SMURF1: variants seen among roughly 807,000 people sequenced by gnomAD.
The protein encoded by SMURF1 is E3 ubiquitin-protein ligase SMURF1.
A neutral mutation model predicts 98.0 loss-of-function variants in SMURF1; 44 were observed. The ratio of observed to expected loss-of-function variants is 0.45; its 90% CI spans 0.35 to 0.58. The LOEUF is 0.58. Among genes scored for constraint, SMURF1 ranks in the 20% least tolerant of loss-of-function variants. SMURF1 has a pLI of 0.00. For synonymous variants in SMURF1, 396 were observed against 374.9 expected, an observed-to-expected ratio of 1.06 and a Z score of -0.65; for missense variants, 687 against 938.4, an observed-to-expected ratio of 0.73 and a Z score of 3.50.
intron 8 of SMURF1, 77 bp downstream of exon 8, chr7:99,051,280 A>G: frequency 8.8e-7 from 1 of 1,141,282 alleles, no homozygotes; most frequent in South Asian, 1.2e-5. Context: ...AACAAGAGCA[A>G]CACATCTGGA....
At chr7:99,142,159 C>A (rs187838501) in intron 1 of SMURF1, among the ~76,000 whole-genome samples, 160 of 152,292 alleles carry the variant, frequency 1.1e-3, no homozygotes, top group Admixed American at 5.0e-3. Flanking sequence ...CGCAGGCCCG[C>A]GGCAGAGCGT....
chr7:99,137,661 C>A (rs532976725), intron 1 of SMURF1, among the ~76,000 whole-genome samples: 2 of 152,302 alleles, frequency 1.3e-5, no homozygotes, highest in Admixed American at 1.3e-4. Flanking sequence ...ACGATGTTGC[C>A]GACATTCCTC....
At chr7:99,084,790 G>A (rs901860492) in intron 1 of SMURF1, among the ~76,000 whole-genome samples, 8 of 152,232 alleles carry the variant, frequency 5.3e-5, no homozygotes, top group Admixed American at 4.6e-4. Flanking sequence ...TTACTGATAT[G>A]GTTTGGGTAT....
intron 13 of SMURF1, 44 bp downstream of exon 13, chr7:99,040,334 T>G (rs1232741326): frequency 5.6e-6 from 8 of 1,420,142 alleles, no homozygotes; most frequent in Non-Finnish European, 7.4e-6. Context: ...ATAGACGTGG[T>G]GGTGGGCCCT....
chr7:99,101,866 G>A (rs907836902), intron 1 of SMURF1, among the ~76,000 whole-genome samples: 17 of 151,838 alleles, frequency 1.1e-4, no homozygotes, highest in African/African-American at 3.9e-4. Flanking sequence ...ACAGGGAGGC[G>A]GAGGTTGCAG....
chr7:99,038,436 T>G lies in SMURF1; in HGVS notation c.1640A>C (p.Asn547Thr). The G allele has an allele frequency of 6.2e-7, 1 of 1,614,208 alleles. No individual in the cohort carries two copies. The change falls in exon 14 of 18, where the codon AAT becomes ACT. Residue 547 changes from asparagine to threonine, a missense_variant. Asn to Thr is a moderately conservative substitution (Grantham distance 65). Transcript: ENST00000361368. ...CTCTGTGACTGGCACATTTCTGCCA[T>G]TGGGTTTCAGTTCATGCTGCAGGAT... ...GRILQHELKP[N>T]GRNVPVTEEN...
intron 3 of SMURF1, among the ~76,000 whole-genome samples, chr7:99,060,271 T>C (rs1479610339): frequency 2.0e-5 from 3 of 148,946 alleles, no homozygotes; most frequent in Non-Finnish European, 3.0e-5. Context: ...CCCAGCTACT[T>C]GGGAGGCTGA....
At chr7:99,067,665 C>T (rs531873132) in intron 1 of SMURF1, among the ~76,000 whole-genome samples, 10 of 152,150 alleles carry the variant, frequency 6.6e-5, no homozygotes, top group South Asian at 4.1e-4. Context: ...AAAAATAGTA[C>T]TTGAGGTCGG....
At chr7:99,048,639 A>G (rs967410284) in intron 9 of SMURF1, 1 of 152,228 alleles carries the variant, frequency 6.6e-6, no homozygotes, top group Non-Finnish European at 1.5e-5. Context: ...CTCGAGTGAA[A>G]TCTAATGAAA....
intron 1 of SMURF1, among the ~76,000 whole-genome samples, chr7:99,103,044 C>T (rs1312602154): frequency 6.6e-6 from 1 of 152,126 alleles, no homozygotes; most frequent in African/African-American, 2.4e-5. Flanking sequence ...GTCAAGCGAT[C>T]CACCCACCTC....
intron 15 of SMURF1, 34 bp downstream of exon 15, chr7:99,037,033 C>G (rs183861331): frequency 1.2e-6 from 2 of 1,612,322 alleles, no homozygotes; most frequent in African/African-American, 1.3e-5. Flanking sequence ...GCCACAGGGA[C>G]GCCCTGGGTC....
chr7:99,143,999 G>GCCGAGC lies in SMURF1; in HGVS notation c.-225_-220dup, dbSNP rs1451954457. 1 of 368,664 alleles carries GCCGAGC rather than the reference G, an allele frequency of 2.7e-6. No individual in the cohort carries two copies. Among genetic ancestry groups the GCCGAGC allele is most frequent in the East Asian group, 4.8e-5 (1 of 20,638 alleles). 22.8% of individuals were successfully genotyped at this position (368,664 alleles called of 1,614,324 possible). A position where few individuals can be genotyped will look rare whatever the true frequency, so the allele number is the denominator to read the frequency against. On this transcript the variant is annotated 5_prime_UTR_variant, in exon 1 of 18. Coordinates refer to ENST00000361368, the MANE Select transcript of SMURF1 (RefSeq NM_181349.3). The stretch of plus-strand genomic sequence containing the variant: ...GGCGCTCTGACCCTCGCTGCTTCCA[G>GCCGAGC]CCGAGCCCAGTCCCGAGCCGCCGCC...
chr7:99,113,334 G>A (rs569400652), intron 1 of SMURF1, among the ~76,000 whole-genome samples: 4 of 152,206 alleles, frequency 2.6e-5, no homozygotes, highest in South Asian at 2.1e-4. Flanking sequence ...ATCTGACATC[G>A]CATCAGAAAC....
At chr7:99,047,141 G>C (rs1315276621) in intron 10 of SMURF1, among the ~76,000 whole-genome samples, 4 of 152,234 alleles carry the variant, frequency 2.6e-5, no homozygotes, top group African/African-American at 9.6e-5. Flanking sequence ...AGCTGTGTAA[G>C]GGACAGAGCC....
intron 1 of SMURF1, among the ~76,000 whole-genome samples, chr7:99,142,593 G>T (rs1173606035): frequency 7.7e-6 from 1 of 129,506 alleles, no homozygotes; most frequent in Non-Finnish European, 1.6e-5. Context: ...GGCGGGGCTT[G>T]AAAGTGAGGG....
intron 1 of SMURF1, among the ~76,000 whole-genome samples, chr7:99,064,103 A>G (rs1230380909): frequency 1.3e-5 from 2 of 152,244 alleles, no homozygotes. Flanking sequence ...CCAACCCTGC[A>G]TTGTGAGATA....
intron 1 of SMURF1, among the ~76,000 whole-genome samples, chr7:99,124,522 C>T (rs1001882115): frequency 3.9e-5 from 6 of 152,128 alleles, no homozygotes; most frequent in Admixed American, 2.0e-4. Flanking sequence ...ACGGGACAGG[C>T]GCTTCTACAG....
chr7:99,052,951 C>T (rs1305336661), intron 6 of SMURF1, among the ~76,000 whole-genome samples: 1 of 152,166 alleles, frequency 6.6e-6, no homozygotes, highest in Non-Finnish European at 1.5e-5. Context: ...GTGGTCCCAG[C>T]TACTCGGGAG....
chr7:99,130,784 C>G (rs1220601130), intron 1 of SMURF1, among the ~76,000 whole-genome samples: 3 of 152,130 alleles, frequency 2.0e-5, no homozygotes, highest in Non-Finnish European at 4.4e-5. Flanking sequence ...TTCCTGTTCC[C>G]CCAAACAACC....
Sources: allele counts gnomAD v4.1 joint callset (sites outside exome capture counted in the v4.1 genomes callset), GRCh38; gene constraint gnomAD v4.1.1; transcripts MANE v1.5; gene names NCBI Gene and HGNC (gene_info 2026-07-23, HGNC 2026-07-21).